The following RAB8B variants were observed in gnomAD, a reference collection of about 807,000 sequenced individuals.
The protein encoded by RAB8B is ras-related protein Rab-8B.
A neutral mutation model predicts 32.0 loss-of-function variants in RAB8B; 11 were observed. The ratio of observed to expected loss-of-function variants is 0.34; its 90% CI spans 0.22 to 0.57. RAB8B has a LOEUF of 0.57. Among genes scored for constraint, RAB8B ranks in the 20% least tolerant of loss-of-function variants. RAB8B has a pLI of 0.86. For synonymous variants in RAB8B, 103 were observed against 89.6 expected (o/e 1.15, Z -0.85); for missense variants, 190 against 258.5 (o/e 0.73, Z 1.82).
intron 1 of RAB8B, among the ~76,000 whole-genome samples, chr15:63,199,545 A>G (rs2037630673): frequency 1.3e-5 from 2 of 152,226 alleles, no homozygotes; most frequent in African/African-American, 2.4e-5. Context: ...TTTCTTTAAC[A>G]TGCACAAAAT....
chr15:63,209,318 C>A (rs953153124), intron 1 of RAB8B, among the ~76,000 whole-genome samples: 1 of 151,920 alleles, frequency 6.6e-6, no homozygotes, highest in African/African-American at 2.4e-5. Context: ...AGGCTGGGTG[C>A]AGTGGCTCAC....
At chr15:63,257,781 C>T (rs562023019) in intron 5 of RAB8B, among the ~76,000 whole-genome samples, 1 of 152,090 alleles carries the variant, frequency 6.6e-6, no homozygotes, top group African/African-American at 2.4e-5. Flanking sequence ...TTAATTAAGG[C>T]CTGGCGCAGT....
At chr15:63,197,163 AT>A (rs904984887) in intron 1 of RAB8B, among the ~76,000 whole-genome samples, 16 of 151,818 alleles carry the variant, frequency 1.1e-4, no homozygotes, top group East Asian at 1.9e-4. Context: ...TTTAAAAAAA[AT>A]ATTTATATAA....
At chr15:63,247,696 A>C (rs1327859298) in intron 2 of RAB8B, among the ~76,000 whole-genome samples, 1 of 152,226 alleles carries the variant, frequency 6.6e-6, no homozygotes, top group Non-Finnish European at 1.5e-5. Flanking sequence ...GAGTAAAGTT[A>C]TACATATTAG....
At chr15:63,211,299 G>A (rs1262865470) in intron 1 of RAB8B, among the ~76,000 whole-genome samples, 2 of 152,196 alleles carry the variant, frequency 1.3e-5, no homozygotes, top group Non-Finnish European at 2.9e-5. Flanking sequence ...CTTCACAGAT[G>A]TTCCTGAAAC....
chr15:63,216,223 AATTAATT>A (rs1468804833), intron 1 of RAB8B, among the ~76,000 whole-genome samples: 3 of 140,394 alleles, frequency 2.1e-5, no homozygotes, highest in Non-Finnish European at 3.1e-5. Flanking sequence ...TTAATTAATT[AATTAATT>A]ATTATTTTTT....
intron 1 of RAB8B, among the ~76,000 whole-genome samples, chr15:63,224,258 T>C (rs1256779972): frequency 6.6e-6 from 1 of 152,256 alleles, no homozygotes; most frequent in Non-Finnish European, 1.5e-5. Context: ...AGAAAAGTTA[T>C]AGAAAATATT....
rs529001179 is a variant in RAB8B, at chr15:63,263,727, C to T, written c.*108C>T. On this transcript the variant is annotated 3_prime_UTR_variant, in exon 8 of 8. Coordinates refer to ENST00000321437, the MANE Select transcript of RAB8B (RefSeq NM_016530.3). ...CACACCTCCCGGCTGCTGCTGAGAG[C>T]ACCACTGAACTTAGACCTCTCAACA... The T allele has an allele frequency of 5.4e-5, 45 of 840,660 alleles. No individual in the cohort carries two copies. In the South Asian group the frequency reaches 6.2e-4, roughly 12 times the overall value. 52.1% of individuals were successfully genotyped at this position (840,660 alleles called of 1,614,324 possible).
At chr15:63,251,887 G>GT (rs2038119443) in intron 3 of RAB8B, among the ~76,000 whole-genome samples, 1 of 152,080 alleles carries the variant, frequency 6.6e-6, no homozygotes, top group South Asian at 2.1e-4. Context: ...GCAAGTGGTG[G>GT]TTATGGCAGG....
intron 3 of RAB8B, chr15:63,251,393 T>G: frequency 4.5e-6 from 2 of 444,530 alleles, no homozygotes; most frequent in East Asian, 1.4e-4. Context: ...TGTTGAGCAG[T>G]TTTTTGCATG....
intron 2 of RAB8B, among the ~76,000 whole-genome samples, chr15:63,245,305 C>T (rs936039596): frequency 1.3e-5 from 2 of 152,134 alleles, no homozygotes; most frequent in Admixed American, 6.5e-5. Context: ...TGGAGTTCCC[C>T]TCCAGCTATG....
chr15:63,230,750 C>G (rs1256847632), intron 1 of RAB8B, among the ~76,000 whole-genome samples: 1 of 152,290 alleles, frequency 6.6e-6, no homozygotes, highest in East Asian at 1.9e-4. Flanking sequence ...GGTGGGAGTG[C>G]AGTGGCACAA....
chr15:63,260,398 G>A lies in RAB8B; in HGVS notation c.480+706G>A, dbSNP rs116777338. On this transcript the variant is annotated intron_variant, in intron 6 of 7. Transcript: ENST00000321437. The stretch of plus-strand genomic sequence containing the variant: ...GGAGAATTAAGCTGTTAGTTTATTG[G>A]ACACATTCCTTTAGCGTACACATTT... 2.9e-3 allele frequency among the ~76,000 whole-genome samples: 437 copies of A among 152,296 alleles called. 4 individuals are homozygous for A. Among genetic ancestry groups the A allele is most frequent in the African/African-American group, 0.01 (424 of 41,560 alleles).
chr15:63,232,849 T>G (rs190215965), intron 1 of RAB8B, among the ~76,000 whole-genome samples: 22 of 152,278 alleles, frequency 1.4e-4, no homozygotes, highest in African/African-American at 5.3e-4. Flanking sequence ...TAAACTTACT[T>G]TTATTGTGTT....
intron 1 of RAB8B, among the ~76,000 whole-genome samples, chr15:63,190,197 A>T (rs916271316): frequency 6.6e-5 from 10 of 151,640 alleles, no homozygotes; most frequent in African/African-American, 2.4e-4. Context: ...AATGAGAGGG[A>T]TGTGAAGTAA....
At chr15:63,195,155 C>G (rs1042320916) in intron 1 of RAB8B, among the ~76,000 whole-genome samples, 2 of 151,714 alleles carry the variant, frequency 1.3e-5, no homozygotes, top group African/African-American at 2.4e-5. Flanking sequence ...TCATATTGAA[C>G]ATTTTGTACA....
In RAB8B at chr15:63,240,846, T is replaced by TA. The variant is rs538637263; in HGVS notation, c.125-3910_125-3909insA. ...AAAAGCCTCTGTCAGTAGAAGGTTT[T>TA]TGAAGTGTTTTAAATGAATGGAGAG... On this transcript the variant is annotated intron_variant, in intron 1 of 7. Transcript: ENST00000321437. Among the ~76,000 whole-genome samples the TA allele has an allele frequency of 2.3e-3, 348 of 151,362 alleles. 1 individual carries two copies. Among genetic ancestry groups the TA allele is most frequent in the Non-Finnish European group, 3.9e-3 (268 of 67,932 alleles).
At chr15:63,223,844 A>T in intron 1 of RAB8B, 1 of 430,858 alleles carries the variant, frequency 2.3e-6, no homozygotes, top group Non-Finnish European at 4.6e-6. Context: ...GTTTTCTTCT[A>T]TAGTGCGGCC....
At chr15:63,219,874 T>C (rs2037828975) in intron 1 of RAB8B, among the ~76,000 whole-genome samples, 1 of 152,190 alleles carries the variant, frequency 6.6e-6, no homozygotes, top group Non-Finnish European at 1.5e-5. Context: ...ATGAGTCTAT[T>C]ATCTCTCTTC....
Sources: gnomAD v4.1 joint callset for allele counts (sites outside exome capture counted in the v4.1 genomes callset) on GRCh38, gnomAD v4.1.1 for gene constraint, MANE v1.5 for transcripts, NCBI Gene and HGNC (gene_info 2026-07-23, HGNC 2026-07-21) for gene names.